The following PIWIL3 variants were observed in gnomAD, a reference collection of about 807,000 sequenced individuals.
The protein encoded by PIWIL3 is piwi like RNA-mediated gene silencing 3, also known as piwi-like protein 3.
PIWIL3 carries 101 observed loss-of-function variants against 109.7 expected under a neutral mutation model. That is an observed-to-expected ratio of 0.92 (90% CI 0.78 to 1.09). The LOEUF (loss-of-function observed/expected upper bound fraction) is 1.09. PIWIL3 is among the 50% of genes least tolerant of loss of function. The pLI is 0.00. For synonymous variants in PIWIL3, 373 were observed against 376.4 expected, an observed-to-expected ratio of 0.99 and a Z score of 0.10; for missense variants, 1,031 against 1,072.6, an observed-to-expected ratio of 0.96 and a Z score of 0.54.
rs901970518 is a variant in PIWIL3, at chr22:24,762,999, G to GT, written c.-22-479dup. 1.1e-4 allele frequency among the ~76,000 whole-genome samples: 16 copies of GT among 151,804 alleles called. No individual in the cohort carries two copies. In the South Asian group the frequency reaches 1.5e-3, roughly 14 times the overall value. On this transcript the variant is annotated intron_variant, in intron 1 of 20. Coordinates refer to ENST00000616349, the MANE Select transcript of PIWIL3 (RefSeq NM_001255975.1). ...TATCCAAACCATAGCACCTGGTAAT[G>GT]TTTTTTTTCCGTTACTATTACTTCC...
chr22:24,746,156 T>A (rs1027908668), intron 12 of PIWIL3, among the ~76,000 whole-genome samples: 1 of 151,918 alleles, frequency 6.6e-6, no homozygotes, highest in African/African-American at 2.4e-5. Context: ...CAGGCCAATA[T>A]CTCCAATGAA....
intron 6 of PIWIL3, 46 bp downstream of exon 6, chr22:24,755,738 A>C (rs372440941): frequency 6.2e-7 from 1 of 1,610,448 alleles, no homozygotes; most frequent in Non-Finnish European, 8.5e-7. Context: ...ACTACACAGT[A>C]AAACAACCGA....
chr22:24,721,929 C>A (rs1922696456), intron 19 of PIWIL3, among the ~76,000 whole-genome samples: 1 of 152,194 alleles, frequency 6.6e-6, no homozygotes, highest in Non-Finnish European at 1.5e-5. Flanking sequence ...TTCCTTGTGT[C>A]CATGAACAAC....
chr22:24,772,768 A>C (rs563572548), intron 1 of PIWIL3, among the ~76,000 whole-genome samples: 1 of 152,364 alleles, frequency 6.6e-6, no homozygotes, highest in Non-Finnish European at 1.5e-5. Context: ...AGAACTGAAG[A>C]AGTGTCACAA....
Position 24,719,303 on chromosome 22 carries a change from G to T in PIWIL3, c.*169C>A. On this transcript the variant is annotated 3_prime_UTR_variant, in exon 21 of 21. Transcript: ENST00000616349. ...CTCCTCTCTGGAAAAATCAGTCTGT[G>T]GTAGTATTGAGAGTAGAACATATCA... 2.4e-6 allele frequency: 1 copy of T among 420,036 alleles called. No homozygotes were observed. Among genetic ancestry groups the T allele is most frequent in the Non-Finnish European group, 4.2e-6 (1 of 235,912 alleles). 26.0% of individuals were successfully genotyped at this position (420,036 alleles called of 1,614,324 possible). A position where few individuals can be genotyped will look rare whatever the true frequency, so the allele number is the denominator to read the frequency against.
At chr22:24,767,838 C>T (rs1432149925) in intron 1 of PIWIL3, among the ~76,000 whole-genome samples, 1 of 152,078 alleles carries the variant, frequency 6.6e-6, no homozygotes, top group Admixed American at 6.5e-5. Flanking sequence ...AGTGACTTGC[C>T]CAAGGTCACA....
chr22:24,719,667 C>G, intron 20 of PIWIL3, 79 bp from the exon 21 acceptor site: 3 of 1,532,778 alleles, frequency 2.0e-6, no homozygotes, highest in Non-Finnish European at 2.7e-6. Context: ...TTCATAGAAG[C>G]CAGTTCAGAG....
chr22:24,733,970 G>C, intron 14 of PIWIL3, 114 bp downstream of exon 14: 1 of 1,161,128 alleles, frequency 8.6e-7, no homozygotes, highest in Non-Finnish European at 1.2e-6. Flanking sequence ...AGGTTAATCT[G>C]CTTTCGTTGG....
rs1489875780 is a variant in PIWIL3 at position 24,756,481 on chromosome 22, A to G, written c.570+10T>C. On this transcript the variant is annotated intron_variant, in intron 5 of 20. Coordinates refer to ENST00000616349, the MANE Select transcript of PIWIL3 (RefSeq NM_001255975.1). ...AGAACACAGGAAAATGTGAAACAAC[A>G]TTACTTAACCCGCTCTTTTAGTGGC... The G allele has an allele frequency of 6.2e-7, 1 of 1,606,712 alleles. No individual in the cohort carries two copies. Among genetic ancestry groups the G allele is most frequent in the Admixed American group, 1.7e-5 (1 of 59,868 alleles).
chr22:24,751,694 AATC>A (rs1376051739), intron 8 of PIWIL3, among the ~76,000 whole-genome samples, 196 bp from the exon 9 acceptor site: 8 of 152,250 alleles, frequency 5.3e-5, no homozygotes, highest in African/African-American at 1.4e-4. Flanking sequence ...AGAGTTGTGC[AATC>A]ATCAAGACAA....
At chr22:24,744,346 G>T (rs1170794248) in intron 12 of PIWIL3, among the ~76,000 whole-genome samples, 2 of 152,066 alleles carry the variant, frequency 1.3e-5, no homozygotes, top group African/African-American at 2.4e-5. Flanking sequence ...GCCGAGGCAG[G>T]TGAATCACAA....
intron 18 of PIWIL3, among the ~76,000 whole-genome samples, 155 bp downstream of exon 18, chr22:24,724,732 C>T (rs938890438): frequency 6.6e-6 from 1 of 151,906 alleles, no homozygotes; most frequent in Non-Finnish European, 1.5e-5. Flanking sequence ...CCACCGCACC[C>T]GGCCAATTTT....
chr22:24,768,007 G>A (rs1217551326), intron 1 of PIWIL3, among the ~76,000 whole-genome samples: 1 of 152,106 alleles, frequency 6.6e-6, no homozygotes, highest in African/African-American at 2.4e-5. Context: ...TTCTCACTCT[G>A]GGGAAGGAAG....
Position 24,734,099 on chromosome 22 carries a change from T to C in PIWIL3, c.1692A>G (p.Arg564=), listed in dbSNP as rs1421124418. 6.2e-7 allele frequency: 1 copy of C among 1,612,338 alleles called. No homozygotes were observed. The highest frequency in any genetic ancestry group is 8.5e-7 in the Non-Finnish European group (1 of 1,179,530). Residue 564 remains arginine, a synonymous_variant, in exon 14 of 21, where the codon AGA becomes AGG. Coordinates refer to ENST00000616349, the MANE Select transcript of PIWIL3 (RefSeq NM_001255975.1). Reference sequence around the variant, plus strand: ...AGACACTTACCATCTGCAGTGTTGGTCTAGTATATTTCCGTAATGTGTCTA... The same window carrying C: ...AGACACTTACCATCTGCAGTGTTGGCCTAGTATATTTCCGTAATGTGTCTA... ...SYIDTLRKYT[R]PTLQMVICIL...
intron 14 of PIWIL3, 34 bp from the exon 15 acceptor site, chr22:24,728,408 T>C (rs1242722649): frequency 6.2e-7 from 1 of 1,613,334 alleles, no homozygotes; most frequent in Admixed American, 1.7e-5. Context: ...TTCCCTAAGA[T>C]ACAACAACAG....
At chr22:24,732,418 A>G (rs1464881250) in intron 14 of PIWIL3, among the ~76,000 whole-genome samples, 1 of 152,242 alleles carries the variant, frequency 6.6e-6, no homozygotes, top group Non-Finnish European at 1.5e-5. Context: ...CGATACCTTA[A>G]GAAATTGTTC....
Position 24,765,224 on chromosome 22 carries a change from T to C in PIWIL3, c.-22-2703A>G, listed in dbSNP as rs562648267. On this transcript the variant is annotated intron_variant, in intron 1 of 20. Coordinates refer to ENST00000616349, the MANE Select transcript of PIWIL3 (RefSeq NM_001255975.1). ...CTACTGTATGAAAAGTCCGATTATA[T>C]TGGTGTGTTCTTACAGTTGGGGTTT... Among the ~76,000 whole-genome samples the C allele has an allele frequency of 3.9e-5, 6 of 152,362 alleles. No individual in the cohort carries two copies. The South Asian group carries it at 6.2e-4, about 16-fold the overall frequency.
At chr22:24,751,571 T>A (rs1464031591) in intron 8 of PIWIL3, 73 bp from the exon 9 acceptor site, 2 of 1,555,858 alleles carry the variant, frequency 1.3e-6, no homozygotes, top group Non-Finnish European at 8.6e-7. Flanking sequence ...AAAATAGACA[T>A]TTTTAATCCT....
At position 24,758,051 on chromosome 22, in the gene PIWIL3, T is replaced by C; in HGVS notation, c.224-12A>G. ...AGGTTCCTTCACCCCTGCATAAATG[T>C]AAACGCCAGAAGTTTAAACAATAAA... On this transcript the variant is annotated splice_polypyrimidine_tract_variant and intron_variant, in intron 3 of 20. Coordinates refer to ENST00000616349, the MANE Select transcript of PIWIL3 (RefSeq NM_001255975.1). 1.3e-6 allele frequency: 2 copies of C among 1,599,348 alleles called. No individual in the cohort carries two copies. Among genetic ancestry groups the C allele is most frequent in the Non-Finnish European group, 1.7e-6 (2 of 1,176,004 alleles).
Sources: allele counts gnomAD v4.1 joint callset (sites outside exome capture counted in the v4.1 genomes callset), GRCh38; gene constraint gnomAD v4.1.1; transcripts MANE v1.5; gene names NCBI Gene and HGNC (gene_info 2026-07-23, HGNC 2026-07-21).